The following SBK1 variants were observed in gnomAD, a reference collection of about 807,000 sequenced individuals.
SBK1 encodes the protein serine/threonine-protein kinase SBK1.
A neutral mutation model predicts 24.4 loss-of-function variants in SBK1; 11 were observed. That is an observed-to-expected ratio of 0.45 (90% CI 0.28 to 0.75). The LOEUF is 0.75. Ranked by LOEUF, SBK1 falls within the 30% of genes least tolerant of loss-of-function variation. The pLI, the probability that SBK1 is intolerant of heterozygous loss-of-function variation, is 0.12. For missense variants in SBK1, 467 were observed against 620.5 expected, an observed-to-expected ratio of 0.75 and a Z score of 2.63; for synonymous variants, 308 against 284.4, an observed-to-expected ratio of 1.08 and a Z score of -0.83.
At chr16:28,301,343 G>T (rs1007470301) in intron 1 of SBK1, among the ~76,000 whole-genome samples, 2 of 152,246 alleles carry the variant, frequency 1.3e-5, no homozygotes, top group Non-Finnish European at 2.9e-5. Flanking sequence ...CCAGCTGCAG[G>T]AAGGCAGCGT....
chr16:28,261,725 A>G (rs973773664), intron 1 of SBK1, among the ~76,000 whole-genome samples: 2 of 152,204 alleles, frequency 1.3e-5, no homozygotes, highest in Non-Finnish European at 2.9e-5. Flanking sequence ...TTGCAGCTTC[A>G]GGTCTTAGGA....
chr16:28,312,212 G>A (rs776286843), intron 1 of SBK1, among the ~76,000 whole-genome samples: 1 of 152,232 alleles, frequency 6.6e-6, no homozygotes, highest in African/African-American at 2.4e-5. Context: ...CTGGGGGACA[G>A]CCCCACAGTC....
chr16:28,321,200 C>T lies in SBK1; in HGVS notation c.*279C>T, dbSNP rs8049206. 2,517 of 35,754 alleles carry T rather than the reference C, an allele frequency of 0.07. 263 individuals are homozygous for T. The highest frequency in any genetic ancestry group is 0.38 in the South Asian group (502 of 1,316). 2.2% of individuals were successfully genotyped at this position (35,754 alleles called of 1,614,324 possible). A position where few individuals can be genotyped will look rare whatever the true frequency, so the allele number is the denominator to read the frequency against. ...ACCACACAACACACACACACACACA[C>T]ACACACACACACACACACACACACA... On this transcript the variant is annotated 3_prime_UTR_variant, in exon 4 of 4. Transcript: ENST00000341901.
chr16:28,270,287 C>T (rs2044456775), intron 1 of SBK1, among the ~76,000 whole-genome samples: 1 of 152,060 alleles, frequency 6.6e-6, no homozygotes, highest in Non-Finnish European at 1.5e-5. Context: ...GTCTCGATCT[C>T]TTGATCTCGT....
At chr16:28,294,205 G>A (rs910086750) in intron 1 of SBK1, among the ~76,000 whole-genome samples, 4 of 152,126 alleles carry the variant, frequency 2.6e-5, no homozygotes, top group African/African-American at 9.7e-5. Flanking sequence ...TGAACCCCAG[G>A]CTCTACCGCA....
chr16:28,281,686 G>A (rs1024090184), intron 1 of SBK1, among the ~76,000 whole-genome samples: 2 of 152,332 alleles, frequency 1.3e-5, no homozygotes, highest in South Asian at 4.1e-4. Context: ...TGATGATAGC[G>A]TCCACACCCT....
chr16:28,258,877 C>T (rs1164244014), upstream of SBK1: 2 of 152,988 alleles, frequency 1.3e-5, no homozygotes, highest in Non-Finnish European at 2.9e-5. Context: ...CCACTCACCC[C>T]AGCCGAGGAG....
At chr16:28,315,297 G>A (rs190000370) in intron 1 of SBK1, among the ~76,000 whole-genome samples, 4 of 152,282 alleles carry the variant, frequency 2.6e-5, no homozygotes, top group East Asian at 3.9e-4. Flanking sequence ...TCGTGGTCTC[G>A]ACGGCAGGGA....
At chr16:28,271,143 G>C (rs139599772) in intron 1 of SBK1, among the ~76,000 whole-genome samples, 1 of 151,958 alleles carries the variant, frequency 6.6e-6, no homozygotes, top group East Asian at 1.9e-4. Flanking sequence ...GATTACAGGC[G>C]TGAGCCACTG....
intron 1 of SBK1, among the ~76,000 whole-genome samples, chr16:28,282,839 C>A (rs1352579422): frequency 6.6e-6 from 1 of 152,174 alleles, no homozygotes; most frequent in Non-Finnish European, 1.5e-5. Context: ...CCCCAGCATA[C>A]CCTGGGGTGC....
intron 2 of SBK1, 101 bp from the exon 3 acceptor site, chr16:28,318,894 G>T: frequency 1.2e-6 from 1 of 844,830 alleles, no homozygotes; most frequent in Non-Finnish European, 2.0e-6. Context: ...CATGCCTGCT[G>T]GGGACCCTGT....
intron 1 of SBK1, among the ~76,000 whole-genome samples, chr16:28,310,871 C>T (rs1212834918): frequency 1.3e-5 from 2 of 152,130 alleles, no homozygotes; most frequent in Non-Finnish European, 2.9e-5. Context: ...TGCTCAAGGT[C>T]ACCCAGCAAA....
At chr16:28,316,666 G>GT (rs1401674804) in intron 1 of SBK1, among the ~76,000 whole-genome samples, 1 of 152,106 alleles carries the variant, frequency 6.6e-6, no homozygotes, top group Non-Finnish European at 1.5e-5. Flanking sequence ...GTTTACCTAT[G>GT]TAACAAGCCT....
At chr16:28,265,009 C>T (rs190084087) in intron 1 of SBK1, among the ~76,000 whole-genome samples, 217 of 152,204 alleles carry the variant, frequency 1.4e-3, no homozygotes, top group Non-Finnish European at 2.4e-3. Flanking sequence ...CATTGGAACA[C>T]GCCTGCAATC....
intron 1 of SBK1, among the ~76,000 whole-genome samples, chr16:28,301,730 A>G (rs2044681067): frequency 6.6e-6 from 1 of 152,222 alleles, no homozygotes; most frequent in Non-Finnish European, 1.5e-5. Flanking sequence ...TGCAGAGTCA[A>G]CGACAGATCC....
chr16:28,263,144 A>G (rs2044407450), intron 1 of SBK1, among the ~76,000 whole-genome samples: 2 of 152,236 alleles, frequency 1.3e-5, no homozygotes, highest in African/African-American at 4.8e-5. Flanking sequence ...ACATGAAAGC[A>G]TCCAGTACAT....
chr16:28,292,355 T>C (rs1185440512), upstream of SBK1, among the ~76,000 whole-genome samples: 25 of 136,286 alleles, frequency 1.8e-4, 2 homozygotes, highest in East Asian at 3.5e-3. Context: ...GCGGGGAGAA[T>C]CTGCGCTCCG....
intron 1 of SBK1, among the ~76,000 whole-genome samples, chr16:28,265,566 G>A (rs2044423132): frequency 6.6e-6 from 1 of 151,716 alleles, no homozygotes; most frequent in Admixed American, 6.6e-5. Context: ...GGGCAACAGA[G>A]GAAGACCCTA....
chr16:28,293,423 G>A (rs1283623732), intron 1 of SBK1, 123 bp downstream of exon 1: 7 of 352,412 alleles, frequency 2.0e-5, no homozygotes, highest in Non-Finnish European at 2.8e-5. Context: ...ATGGAGCCGA[G>A]GCTGAAGGAC....
Sources: allele counts gnomAD v4.1 joint callset (sites outside exome capture counted in the v4.1 genomes callset), GRCh38; gene constraint gnomAD v4.1.1; transcripts MANE v1.5; gene names NCBI Gene and HGNC (gene_info 2026-07-23, HGNC 2026-07-21).